The following TMEM44 variants were observed in gnomAD, a reference collection of about 807,000 sequenced individuals.
The protein encoded by TMEM44 is transmembrane protein 44.
Under a neutral mutation model 47.8 loss-of-function variants are expected in TMEM44, and 43 were observed. The ratio of observed to expected loss-of-function variants is 0.90; its 90% CI spans 0.70 to 1.16. TMEM44 has a LOEUF of 1.16. Among genes scored for constraint, TMEM44 ranks in the 50% most tolerant of loss-of-function variants. TMEM44 has a pLI of 0.00. For synonymous variants in TMEM44, 277 were observed against 238.8 expected (o/e 1.16, Z -1.48); for missense variants, 568 against 555.2 (o/e 1.02, Z -0.23).
intron 9 of TMEM44, among the ~76,000 whole-genome samples, chr3:194,595,071 T>C (rs1028763634): frequency 3.3e-5 from 5 of 152,146 alleles, no homozygotes; most frequent in African/African-American, 1.2e-4. Context: ...TTATAGAACA[T>C]TTTTCAAAAA....
chr3:194,590,586 T>A (rs1337442116), intron 9 of TMEM44, among the ~76,000 whole-genome samples: 1 of 152,202 alleles, frequency 6.6e-6, no homozygotes, highest in Non-Finnish European at 1.5e-5. Flanking sequence ...TGCTCTTTGA[T>A]GAAAACGGTT....
intron 9 of TMEM44, among the ~76,000 whole-genome samples, chr3:194,603,508 A>G (rs528162246): frequency 2.0e-5 from 3 of 151,716 alleles, no homozygotes; most frequent in East Asian, 1.9e-4. Flanking sequence ...AGTGATTCTC[A>G]TGCCTCAGCC....
At chr3:194,602,088 C>T (rs1290881043) in intron 9 of TMEM44, among the ~76,000 whole-genome samples, 1 of 152,220 alleles carries the variant, frequency 6.6e-6, no homozygotes, top group Non-Finnish European at 1.5e-5. Context: ...CTGCCAGCCA[C>T]GTGCCTTGGG....
intron 9 of TMEM44, among the ~76,000 whole-genome samples, chr3:194,601,480 T>G (rs993119056): frequency 4.6e-5 from 7 of 152,094 alleles, no homozygotes; most frequent in African/African-American, 1.7e-4. Context: ...AATTTTATAT[T>G]TTTAGTAGAG....
Position 194,610,944 on chromosome 3 carries a change from A to C in TMEM44, c.989T>G (p.Met330Arg), listed in dbSNP as rs1302355044. 1.2e-6 allele frequency: 2 copies of C among 1,613,906 alleles called. No individual in the cohort carries two copies. The highest frequency in any genetic ancestry group is 1.7e-6 in the Non-Finnish European group (2 of 1,179,964). Residue 330 changes from methionine to arginine, a missense_variant, in exon 8 of 10, where the codon ATG becomes AGG. Physicochemically the swap from Met to Arg is moderately conservative, Grantham distance 91. Transcript: ENST00000347147. ...LRTMTAISRY[M>R]ELTIEPVQQA... is the part of the protein sequence containing the mutation. ...CTGCACAGGCTCGATGGTCAGCTCCATGTAGCGACTGATTGCTGTCATTGT... is the reference window on the plus strand; with the variant it reads ...CTGCACAGGCTCGATGGTCAGCTCCCTGTAGCGACTGATTGCTGTCATTGT...
intron 9 of TMEM44, among the ~76,000 whole-genome samples, chr3:194,592,224 CAAAA>C (rs58909852): frequency 1.5e-5 from 2 of 129,962 alleles, no homozygotes; most frequent in Admixed American, 7.5e-5. Context: ...GACTCCGTCT[CAAAA>C]AAAAAAAAAA....
chr3:194,627,386 G>C (rs1252009223), intron 2 of TMEM44, among the ~76,000 whole-genome samples: 1 of 152,218 alleles, frequency 6.6e-6, no homozygotes, highest in Non-Finnish European at 1.5e-5. Context: ...TGCCTCCGCA[G>C]GAGGGCACAA....
chr3:194,605,654 A>G (rs1714698338), intron 8 of TMEM44, among the ~76,000 whole-genome samples: 1 of 152,180 alleles, frequency 6.6e-6, no homozygotes, highest in South Asian at 2.1e-4. Context: ...ATTACCTCCC[A>G]CTGGGTCCCT....
chr3:194,618,131 A>G (rs1185765312), intron 5 of TMEM44, among the ~76,000 whole-genome samples: 5 of 152,308 alleles, frequency 3.3e-5, no homozygotes, highest in African/African-American at 1.2e-4. Context: ...CAGAGACCGG[A>G]TCAGAAGAGC....
chr3:194,615,607 G>A lies in TMEM44; in HGVS notation c.874C>T (p.Leu292Phe), dbSNP rs776056975. 44 of 1,614,034 alleles carry A rather than the reference G, an allele frequency of 2.7e-5. 1 individual carries two copies. In the South Asian group the frequency reaches 4.4e-4, roughly 16 times the overall value. The part of the protein sequence containing the change: ...EARESPDTQA[L>F]LTCAEKEEEN... ...TCCTCTTTCTCTGCACAGGTCAAAA[G>A]GGCTTGGGTGTCAGGGCTCTCTCTG... Residue 292 changes from leucine (L) to phenylalanine (F), a missense_variant, in exon 7 of 10, where the codon CTT becomes TTT. By Grantham distance (22) the Leu-to-Phe change is conservative (BLOSUM62 0). Transcript: ENST00000347147.
intron 9 of TMEM44, among the ~76,000 whole-genome samples, chr3:194,591,956 C>T (rs1211285412): frequency 1.3e-5 from 2 of 152,100 alleles, no homozygotes; most frequent in African/African-American, 2.4e-5. Context: ...TGGTGGCTCA[C>T]GCCTGTAATC....
At chr3:194,594,196 A>C (rs1177078885) in intron 9 of TMEM44, among the ~76,000 whole-genome samples, 1 of 113,752 alleles carries the variant, frequency 8.8e-6, no homozygotes, top group Admixed American at 9.1e-5. Flanking sequence ...ATGGAGTTTC[A>C]CTCTTGTCAC....
intron 5 of TMEM44, chr3:194,622,809 A>T (rs1025312347): frequency 6.2e-6 from 1 of 162,434 alleles, no homozygotes; most frequent in African/African-American, 2.4e-5. Flanking sequence ...TCGGCCTCGC[A>T]AAGTGCTGGG....
At position 194,610,212 on chromosome 3, in the gene TMEM44, CA is replaced by C. The variant is rs1336194200; in HGVS notation, c.1017+703del. ...CTCCAGCCTGGGCGACAGAGTGTCTCAAAAAAAAAAAAGAGAGAAAAAGATG... is the reference window on the plus strand; with the variant it reads ...CTCCAGCCTGGGCGACAGAGTGTCTCAAAAAAAAAAAGAGAGAAAAAGATG... On this transcript the variant is annotated intron_variant, in intron 8 of 9. Coordinates refer to ENST00000347147, the MANE Select transcript of TMEM44 (RefSeq NM_001011655.3). Among the ~76,000 whole-genome samples the C allele has an allele frequency of 4.0e-3, 549 of 136,912 alleles. 2 individuals are homozygous for C. Among genetic ancestry groups the C allele is most frequent in the Non-Finnish European group, 4.5e-3 (284 of 63,216 alleles). 89.8% of individuals were successfully genotyped at this position (136,912 alleles called of 152,430 possible). A position where few individuals can be genotyped will look rare whatever the true frequency, so the allele number is the denominator to read the frequency against.
intron 1 of TMEM44, among the ~76,000 whole-genome samples, chr3:194,632,230 C>T (rs1717899358): frequency 6.6e-6 from 1 of 152,178 alleles, no homozygotes; most frequent in Non-Finnish European, 1.5e-5. Context: ...ATGTTCTAGG[C>T]GTCTTTTTAT....
chr3:194,608,290 C>CA (rs1344056822), intron 8 of TMEM44, among the ~76,000 whole-genome samples: 1 of 152,210 alleles, frequency 6.6e-6, no homozygotes, highest in Non-Finnish European at 1.5e-5. Flanking sequence ...GCAACAACAG[C>CA]AAACAGCAAA....
intron 8 of TMEM44, among the ~76,000 whole-genome samples, chr3:194,605,531 C>A (rs1714681751): frequency 6.6e-6 from 1 of 152,176 alleles, no homozygotes; most frequent in Admixed American, 6.5e-5. Flanking sequence ...TGGATGGCAG[C>A]AGGCAAAGAG....
In TMEM44 at chr3:194,633,247, G is replaced by T; in HGVS notation, c.-32C>A. 2.5e-6 allele frequency: 3 copies of T among 1,190,788 alleles called. No homozygotes were observed. The highest frequency in any genetic ancestry group is 3.2e-6 in the Non-Finnish European group (3 of 951,096). The allele number at this position is 1,190,788 out of a possible 1,614,324, so 73.8% of individuals were successfully genotyped here. A position where few individuals can be genotyped will look rare whatever the true frequency, so the allele number is the denominator to read the frequency against. ...GCTGGGCGCGCGGCGCGGGGCCGGG[G>T]ACCTGGGCGCAGCCTCCCTCGCCGC... On this transcript the variant is annotated 5_prime_UTR_variant, in exon 1 of 10. Transcript: ENST00000347147.
In TMEM44 at chr3:194,628,606, G is replaced by T. The variant is rs59584032; in HGVS notation, c.138-97C>A. 6.3e-3 allele frequency: 8,860 copies of T among 1,416,206 alleles called. 461 individuals carry two copies. The African/African-American group carries it at 0.11, about 18-fold the overall frequency. The allele number at this position is 1,416,206 out of a possible 1,614,324, so 87.7% of individuals were successfully genotyped here. A position where few individuals can be genotyped will look rare whatever the true frequency, so the allele number is the denominator to read the frequency against. ...GCAACTGTGACCCCGCATCGTCAGG[G>T]AGCTCTTTCTGCCCGAGGTATTTAG... On this transcript the variant is annotated intron_variant, in intron 1 of 9. Coordinates refer to ENST00000347147, the MANE Select transcript of TMEM44 (RefSeq NM_001011655.3).
Sources: gnomAD v4.1 joint callset for allele counts (sites outside exome capture counted in the v4.1 genomes callset) on GRCh38, gnomAD v4.1.1 for gene constraint, MANE v1.5 for transcripts, NCBI Gene and HGNC (gene_info 2026-07-23, HGNC 2026-07-21) for gene names.